LRRC36: variants seen among roughly 807,000 people sequenced by gnomAD.
LRRC36 encodes the protein leucine-rich repeat-containing protein 36.
A neutral mutation model predicts 81.1 loss-of-function variants in LRRC36; 62 were observed. The observed-to-expected ratio is 0.76, with a 90% CI of 0.62 to 0.94. The LOEUF is 0.94. Ranked by LOEUF, LRRC36 falls within the 40% of genes least tolerant of loss-of-function variation. The pLI is 0.00. For missense variants in LRRC36, 761 were observed against 881.7 expected, an observed-to-expected ratio of 0.86 and a Z score of 1.73; for synonymous variants, 334 against 348.6, an observed-to-expected ratio of 0.96 and a Z score of 0.47.
At chr16:67,337,404 G>A (rs1597429112) in intron 1 of LRRC36, among the ~76,000 whole-genome samples, 2 of 121,390 alleles carry the variant, frequency 1.6e-5, no homozygotes. Flanking sequence ...TTTCACTCTT[G>A]TTGCCCAGGC....
At chr16:67,365,182 T>G (rs1230782843) in intron 6 of LRRC36, 122 bp from the exon 7 acceptor site, 2 of 628,626 alleles carry the variant, frequency 3.2e-6, no homozygotes, top group Non-Finnish European at 5.7e-6. Context: ...AAGGTCTGTT[T>G]CCCTAGCTTG....
intron 4 of LRRC36, among the ~76,000 whole-genome samples, chr16:67,349,300 G>T (rs1424659210): frequency 1.3e-5 from 2 of 151,716 alleles, no homozygotes; most frequent in Non-Finnish European, 2.9e-5. Context: ...CTCTAACCTT[G>T]GGTGAAGTTT....
In LRRC36 at chr16:67,376,838, T is replaced by G. The variant is rs1274349699; in HGVS notation, c.1772T>G (p.Leu591Arg). 1.2e-6 allele frequency: 2 copies of G among 1,613,486 alleles called. No homozygotes were observed. The highest frequency in any genetic ancestry group is 2.2e-5 in the South Asian group (2 of 91,058). ...MKAFCRRELE[L>R]KEAAQLVPND... ...GCATTCTGCAGGAGGGAGCTTGAAC[T>G]GAAGGAGGCTGCGCAGCTGGTCCCT... Residue 591 changes from leucine (L) to arginine (R), a missense_variant, in exon 11 of 14, where the codon CTG (leucine) becomes CGG (arginine). Leu to Arg is a moderately radical substitution (Grantham distance 102, BLOSUM62 -2). Transcript: ENST00000329956.
chr16:67,341,858 G>A (rs1057299595), intron 1 of LRRC36, 99 bp from the exon 2 acceptor site: 8 of 896,636 alleles, frequency 8.9e-6, no homozygotes, highest in Admixed American at 4.7e-5. Flanking sequence ...GTAGGGCCTT[G>A]CACAGTTGAG....
chr16:67,362,102 C>A (rs2039175229), intron 5 of LRRC36: 1 of 353,554 alleles, frequency 2.8e-6, no homozygotes, highest in Non-Finnish European at 5.6e-6. Flanking sequence ...TTAAAAAAAA[C>A]AAAAACAAAA....
At chr16:67,334,222 CG>C (rs1171615174) in intron 1 of LRRC36, among the ~76,000 whole-genome samples, 1 of 151,394 alleles carries the variant, frequency 6.6e-6, no homozygotes, top group African/African-American at 2.4e-5. Context: ...TAGTAGAGAC[CG>C]GGTTTCACCA....
intron 5 of LRRC36, among the ~76,000 whole-genome samples, chr16:67,359,659 C>T (rs2039058328): frequency 6.6e-6 from 1 of 152,112 alleles, no homozygotes; most frequent in South Asian, 2.1e-4. Context: ...AAAGCTTCTC[C>T]CACAGTCATA....
At chr16:67,376,989 C>A in intron 11 of LRRC36, 117 bp downstream of exon 11, 1 of 1,138,954 alleles carries the variant, frequency 8.8e-7, no homozygotes, top group Non-Finnish European at 1.2e-6. Context: ...AGTCTGGGCA[C>A]AGCAGGAATA....
intron 1 of LRRC36, among the ~76,000 whole-genome samples, chr16:67,329,935 A>C (rs2037400396): frequency 6.6e-6 from 1 of 152,098 alleles, no homozygotes; most frequent in African/African-American, 2.4e-5. Flanking sequence ...AAATAAAATA[A>C]GAATCCGTAT....
intron 13 of LRRC36, among the ~76,000 whole-genome samples, chr16:67,383,525 T>C (rs948951380): frequency 2.6e-5 from 4 of 152,228 alleles, no homozygotes; most frequent in African/African-American, 9.6e-5. Context: ...CATTTCTAAT[T>C]AGCTTCTGGG....
At chr16:67,331,923 G>A (rs1474742827) in intron 1 of LRRC36, among the ~76,000 whole-genome samples, 1 of 151,834 alleles carries the variant, frequency 6.6e-6, no homozygotes, top group Non-Finnish European at 1.5e-5. Context: ...TGAAGGCGGA[G>A]GTTGCAGTAA....
chr16:67,327,887 A>G (rs1264409537), intron 1 of LRRC36, among the ~76,000 whole-genome samples: 1 of 151,442 alleles, frequency 6.6e-6, no homozygotes, highest in African/African-American at 2.4e-5. Context: ...ATTTAGCAAC[A>G]TGGAACTTAC....
chr16:67,373,581 G>A (rs759195044), intron 9 of LRRC36, among the ~76,000 whole-genome samples: 7 of 151,484 alleles, frequency 4.6e-5, no homozygotes, highest in Non-Finnish European at 1.0e-4. Flanking sequence ...GGTGATGCAC[G>A]CCTGTAGTCC....
At chr16:67,367,586 G>A in intron 8 of LRRC36, 129 bp downstream of exon 8, 1 of 798,852 alleles carries the variant, frequency 1.3e-6, no homozygotes, top group Non-Finnish European at 2.0e-6. Flanking sequence ...AGGGTCACCA[G>A]TGGTTCTTGG....
intron 13 of LRRC36, among the ~76,000 whole-genome samples, chr16:67,383,191 T>C (rs1367307017): frequency 6.6e-6 from 1 of 151,426 alleles, no homozygotes; most frequent in Non-Finnish European, 1.5e-5. Context: ...GGCTTGCCGA[T>C]AATACACATT....
intron 1 of LRRC36, among the ~76,000 whole-genome samples, chr16:67,334,933 G>A (rs944407224): frequency 6.6e-6 from 1 of 152,128 alleles, no homozygotes; most frequent in Non-Finnish European, 1.5e-5. Context: ...AAAGGGGAGG[G>A]AGTGTACGAA....
chr16:67,339,587 AC>A (rs1408381507), intron 1 of LRRC36, among the ~76,000 whole-genome samples: 3 of 152,158 alleles, frequency 2.0e-5, no homozygotes, highest in Non-Finnish European at 2.9e-5. Context: ...GTTTTCTTAC[AC>A]TTAGGTGGGA....
At chr16:67,334,345 G>A (rs1310546477) in intron 1 of LRRC36, among the ~76,000 whole-genome samples, 1 of 149,902 alleles carries the variant, frequency 6.7e-6, no homozygotes, top group Non-Finnish European at 1.5e-5. Flanking sequence ...TATTTTTTGA[G>A]GCAGAGTCTT....
At chr16:67,339,406 A>G (rs1201284372) in intron 1 of LRRC36, among the ~76,000 whole-genome samples, 2 of 152,060 alleles carry the variant, frequency 1.3e-5, no homozygotes, top group South Asian at 2.1e-4. Context: ...CTACATTGCT[A>G]TGATGTTTTT....
Sources: allele counts gnomAD v4.1 joint callset (sites outside exome capture counted in the v4.1 genomes callset), GRCh38; gene constraint gnomAD v4.1.1; transcripts MANE v1.5; gene names NCBI Gene and HGNC (gene_info 2026-07-23, HGNC 2026-07-21).